Variants in UCHL5 observed in about 807,000 individuals in gnomAD.
The protein encoded by UCHL5 is ubiquitin C-terminal hydrolase L5.
UCHL5 carries 34 observed loss-of-function variants against 53.8 expected under a neutral mutation model. The ratio of observed to expected loss-of-function variants is 0.63; its 90% CI spans 0.48 to 0.84. UCHL5 has a LOEUF of 0.84. Ranked by LOEUF, UCHL5 falls within the 40% of genes least tolerant of loss-of-function variation. The pLI is 0.00. For synonymous variants in UCHL5, 111 were observed against 126.3 expected (o/e 0.88, Z 0.81); for missense variants, 290 against 385.6 (o/e 0.75, Z 2.08).
intron 1 of UCHL5, among the ~76,000 whole-genome samples, chr1:193,058,540 G>C (rs1400708404): frequency 6.6e-6 from 1 of 152,274 alleles, no homozygotes; most frequent in Non-Finnish European, 1.5e-5. Context: ...TGTGAGGAAA[G>C]CATGTGGCCT....
intron 3 of UCHL5, among the ~76,000 whole-genome samples, chr1:193,045,294 TA>T (rs767996988): frequency 6.6e-5 from 10 of 152,220 alleles, no homozygotes; most frequent in African/African-American, 1.2e-4. Context: ...ATACAGTCTC[TA>T]AATTTGTCCC....
rs181665018 is a variant in UCHL5 at position 193,027,167 on chromosome 1, C to G, written c.629+918G>C. ...AGCAAATTTTGCTGTATCTTGACTA[C>G]ATCAATGCCAGTATCCTGGCTGTGA... On this transcript the variant is annotated intron_variant, in intron 7 of 10. Transcript: ENST00000367454. 3.7e-3 allele frequency among the ~76,000 whole-genome samples: 570 copies of G among 152,250 alleles called. 2 individuals carry two copies. Among genetic ancestry groups the G allele is most frequent in the Non-Finnish European group, 6.1e-3 (416 of 68,020 alleles).
intron 1 of UCHL5, among the ~76,000 whole-genome samples, chr1:193,056,671 A>T (rs543424263): frequency 6.6e-6 from 1 of 152,336 alleles, no homozygotes; most frequent in East Asian, 1.9e-4. Flanking sequence ...CTGCATCTAC[A>T]ATTCATTTCC....
rs371733869 is a variant in UCHL5 at position 193,036,660 on chromosome 1, C to A, written c.247-7003G>T. Reference sequence around the variant, plus strand: ...GACATTTACAGAACATTTCACCCAACTGCTGCAAAATACACATTATTTTCA... The same window carrying A: ...GACATTTACAGAACATTTCACCCAAATGCTGCAAAATACACATTATTTTCA... On this transcript the variant is annotated intron_variant, in intron 3 of 10. Coordinates refer to ENST00000367454, the MANE Select transcript of UCHL5 (RefSeq NM_001199261.3). Among the ~76,000 whole-genome samples the A allele has an allele frequency of 2.7e-4, 41 of 152,138 alleles. 2 individuals are homozygous for A. In the South Asian group the frequency reaches 8.5e-3, roughly 31 times the overall value.
intron 3 of UCHL5, chr1:193,049,472 T>G: frequency 4.2e-6 from 1 of 240,346 alleles, no homozygotes; most frequent in Non-Finnish European, 8.0e-6. Flanking sequence ...CCCAAAGTGC[T>G]GGGATTACAG....
At chr1:193,055,236 C>CTT (rs143526369) in intron 1 of UCHL5, among the ~76,000 whole-genome samples, 3 of 151,906 alleles carry the variant, frequency 2.0e-5, no homozygotes, top group African/African-American at 7.3e-5. Context: ...GAGACAGCAC[C>CTT]TTTTTTTTGA....
rs1452708956 is a variant in UCHL5, at chr1:193,014,336, T to C, written c.*2015A>G. The C allele has an allele frequency of 1.3e-5, 2 of 152,198 alleles. No individual in the cohort carries two copies. The highest frequency in any genetic ancestry group is 2.9e-5 in the Non-Finnish European group (2 of 68,022). 9.4% of individuals were successfully genotyped at this position (152,198 alleles called of 1,614,324 possible). On this transcript the variant is annotated 3_prime_UTR_variant, in exon 11 of 11. Coordinates refer to ENST00000367454, the MANE Select transcript of UCHL5 (RefSeq NM_001199261.3). ...ACCACTCTTAAGCTATGGAAATTCC[T>C]ATTAAGGAATTTTATTAGATTAATA...
Position 193,022,949 on chromosome 1 carries a change from C to T in UCHL5, c.820G>A (p.Val274Ile). The T allele has an allele frequency of 6.2e-7, 1 of 1,611,308 alleles. No homozygotes were observed. The highest frequency in any genetic ancestry group is 2.2e-5 in the East Asian group (1 of 44,706). ...AKNQMLIEEE[V>I]QKLKRYKIEN... ...ACCTTGTATCTTTTTAATTTCTGTA[C>T]TTCTTCTTCAATAAGCATCTGATTT... is the stretch of plus-strand genomic sequence containing the variant. Residue 274 changes from valine to isoleucine, a missense_variant, in exon 9 of 11, where the codon GTA (valine) becomes ATA (isoleucine). Transcript: ENST00000367454.
chr1:193,051,644 C>T (rs1669091925), intron 2 of UCHL5, 110 bp downstream of exon 2: 5 of 535,518 alleles, frequency 9.3e-6, no homozygotes, highest in South Asian at 7.3e-5. Context: ...AAGGACATAA[C>T]GTATTCAACC....
At chr1:193,051,267 G>C (rs759708217) in intron 2 of UCHL5, among the ~76,000 whole-genome samples, 1 of 152,014 alleles carries the variant, frequency 6.6e-6, no homozygotes, top group Non-Finnish European at 1.5e-5. Context: ...GAAAGATGGG[G>C]GAAGGAGAAA....
chr1:193,018,338 A>G (rs527425619), intron 10 of UCHL5: 12 of 260,642 alleles, frequency 4.6e-5, no homozygotes, highest in Non-Finnish European at 6.6e-5. Context: ...TCATAATTAC[A>G]TACAAATGTG....
rs1656408391 is a variant in UCHL5, at chr1:193,020,141, AT to A, written c.942+955del. The A allele has an allele frequency of 6.1e-6, 6 of 984,966 alleles. 1 individual carries two copies. The South Asian group carries it at 2.8e-4, about 46-fold the overall frequency. 61.0% of individuals were successfully genotyped at this position (984,966 alleles called of 1,614,324 possible). A position where few individuals can be genotyped will look rare whatever the true frequency, so the allele number is the denominator to read the frequency against. On this transcript the variant is annotated intron_variant, in intron 10 of 10. Coordinates refer to ENST00000367454, the MANE Select transcript of UCHL5 (RefSeq NM_001199261.3). ...AGCAGTCTTCTGCAATAATTTTTACATTTAATGCTAAAAGTTGGGTCACATG... is the reference window on the plus strand; with the variant it reads ...AGCAGTCTTCTGCAATAATTTTTACATTAATGCTAAAAGTTGGGTCACATG...
chr1:193,047,097 T>C (rs1012348369), intron 3 of UCHL5, among the ~76,000 whole-genome samples: 1 of 152,102 alleles, frequency 6.6e-6, no homozygotes, highest in Non-Finnish European at 1.5e-5. Context: ...TTAAATAATA[T>C]ACCCAAATTA....
At chr1:193,028,386 T>C (rs888876877) in intron 6 of UCHL5, among the ~76,000 whole-genome samples, 2 of 152,196 alleles carry the variant, frequency 1.3e-5, no homozygotes, top group African/African-American at 4.8e-5. Context: ...GATAAACTAT[T>C]GGTTCTACGC....
chr1:193,033,256 T>C (rs1212480783), intron 3 of UCHL5, among the ~76,000 whole-genome samples: 5 of 152,022 alleles, frequency 3.3e-5, no homozygotes, highest in African/African-American at 1.2e-4. Flanking sequence ...AAACCATCAT[T>C]CTCAGCAAAC....
At position 193,046,124 on chromosome 1, in the gene UCHL5, T is replaced by C. The variant is rs549070337; in HGVS notation, c.246+3622A>G. ...ATAGCTTACTGCAGCCTCAACCTCC[T>C]GGGCTCAGGCAATCCTCCCACCTCA... On this transcript the variant is annotated intron_variant, in intron 3 of 10. Transcript: ENST00000367454. Among the ~76,000 whole-genome samples the C allele has an allele frequency of 1.7e-4, 26 of 152,278 alleles. No homozygotes were observed. In the South Asian group the frequency reaches 5.2e-3, roughly 30 times the overall value.
At position 193,014,998 on chromosome 1, in the gene UCHL5, T is replaced by C. The variant is rs137884662; in HGVS notation, c.*1353A>G. The C allele has an allele frequency of 4.1e-4, 63 of 152,204 alleles. No individual in the cohort carries two copies. In the East Asian group the frequency reaches 0.012, roughly 28 times the overall value. 9.4% of individuals were successfully genotyped at this position (152,204 alleles called of 1,614,324 possible). On this transcript the variant is annotated 3_prime_UTR_variant, in exon 11 of 11. Coordinates refer to ENST00000367454, the MANE Select transcript of UCHL5 (RefSeq NM_001199261.3). Reference sequence around the variant, plus strand: ...AATTATATCATGGCTTTGAAAACACTCCATAATTATTACTGTATCAACAGC... The same window carrying C: ...AATTATATCATGGCTTTGAAAACACCCCATAATTATTACTGTATCAACAGC...
upstream of UCHL5, chr1:193,059,369 C>A: frequency 5.0e-6 from 8 of 1,606,898 alleles, no homozygotes; most frequent in Non-Finnish European, 6.8e-6. This position sits in a 1 kb window ranked among gnomAD's most constrained non-coding sequence, Gnocchi z 4.9. Flanking sequence ...TCGTCAACCA[C>A]ACGTCACCCC....
intron 7 of UCHL5, among the ~76,000 whole-genome samples, chr1:193,025,955 C>T (rs895400431): frequency 1.3e-5 from 2 of 151,890 alleles, no homozygotes; most frequent in African/African-American, 4.8e-5. Context: ...ATAAATGGAA[C>T]AATGGACAGA....
Sources: allele counts gnomAD v4.1 joint callset (sites outside exome capture counted in the v4.1 genomes callset), GRCh38; gene constraint gnomAD v4.1.1; non-coding constraint Gnocchi (gnomAD v3.1); transcripts MANE v1.5; gene names NCBI Gene and HGNC (gene_info 2026-07-23, HGNC 2026-07-21).